Variants in B4GALNT3 observed in about 807,000 individuals in gnomAD.
B4GALNT3 encodes the protein beta-1,4-N-acetyl-galactosaminyltransferase 3.
A neutral mutation model predicts 120.2 loss-of-function variants in B4GALNT3; 86 were observed. That is an observed-to-expected ratio of 0.72 (90% CI 0.60 to 0.86). B4GALNT3 has a LOEUF of 0.86. B4GALNT3 is among the 40% of genes least tolerant of loss of function. The probability of loss-of-function intolerance (pLI) is 0.00; values close to 1 mark genes in which losing one functional copy is unlikely to be tolerated. For missense variants in B4GALNT3, 1,167 were observed against 1,298.9 expected (o/e 0.90, Z 1.56); for synonymous variants, 518 against 510.4 (o/e 1.01, Z -0.20).
intron 1 of B4GALNT3, among the ~76,000 whole-genome samples, chr12:503,613 TCCTCCA>T (rs1946464514): frequency 6.6e-6 from 1 of 152,170 alleles, no homozygotes; most frequent in Non-Finnish European, 1.5e-5. Flanking sequence ...TCAGCTTTGC[TCCTCCA>T]CCCCCACCTG....
intron 1 of B4GALNT3, among the ~76,000 whole-genome samples, chr12:494,827 G>A (rs1946374162): frequency 6.6e-6 from 1 of 152,054 alleles, no homozygotes; most frequent in Non-Finnish European, 1.5e-5. Context: ...GCGGGGGGGA[G>A]TCTTTATTCT....
At chr12:541,841 A>ACCC (rs371768004) in intron 3 of B4GALNT3, among the ~76,000 whole-genome samples, 2 of 59,164 alleles carry the variant, frequency 3.4e-5, no homozygotes, top group African/African-American at 1.5e-4. Context: ...CCCCCCCCTC[A>ACCC]CCCCCCCCCA....
intron 2 of B4GALNT3, 46 bp from the exon 3 acceptor site, chr12:536,172 C>T: frequency 6.5e-7 from 1 of 1,542,544 alleles, no homozygotes; most frequent in Middle Eastern, 1.7e-4. Context: ...CCCGTAGCTT[C>T]TCATCCTAAT....
intron 14 of B4GALNT3, among the ~76,000 whole-genome samples, chr12:554,593 A>T (rs1463837090): frequency 6.6e-6 from 1 of 151,040 alleles, no homozygotes; most frequent in Non-Finnish European, 1.5e-5. Flanking sequence ...GATCGAGACC[A>T]TCCTGGCTAA....
At chr12:532,570 A>G (rs540780369) in intron 1 of B4GALNT3, among the ~76,000 whole-genome samples, 1 of 152,238 alleles carries the variant, frequency 6.6e-6, no homozygotes, top group South Asian at 2.1e-4. Context: ...TCAAGAATGG[A>G]GGGATTCTTG....
intron 1 of B4GALNT3, among the ~76,000 whole-genome samples, chr12:467,651 G>C (rs181710890): frequency 6.6e-6 from 1 of 152,128 alleles, no homozygotes; most frequent in African/African-American, 2.4e-5. Context: ...TTAACCCTGC[G>C]AAAGCACTTT....
intron 3 of B4GALNT3, among the ~76,000 whole-genome samples, chr12:537,777 G>A (rs143986394): frequency 6.6e-6 from 1 of 152,288 alleles, no homozygotes; most frequent in East Asian, 1.9e-4. Context: ...TTCTTGGCTG[G>A]GTGGTACGGG....
At chr12:484,821 G>A (rs545801187) in intron 1 of B4GALNT3, among the ~76,000 whole-genome samples, 141 of 150,994 alleles carry the variant, frequency 9.3e-4, no homozygotes, top group Middle Eastern at 3.4e-3. Context: ...AAAACCACTC[G>A]TTTTGGTTTG....
At chr12:507,457 C>T (rs1022666853) in intron 1 of B4GALNT3, among the ~76,000 whole-genome samples, 19 of 152,138 alleles carry the variant, frequency 1.2e-4, no homozygotes, top group African/African-American at 3.9e-4. Flanking sequence ...CAGACGCTTC[C>T]ACTGTCTTGG....
rs373846635 is a variant in B4GALNT3 at position 535,395 on chromosome 12, A to T, written c.273+126A>T. 54 of 736,308 alleles carry T rather than the reference A, an allele frequency of 7.3e-5. No homozygotes were observed. In the African/African-American group the frequency reaches 7.3e-4, roughly 10 times the overall value. 45.6% of individuals were successfully genotyped at this position (736,308 alleles called of 1,614,324 possible). A position where few individuals can be genotyped will look rare whatever the true frequency, so the allele number is the denominator to read the frequency against. On this transcript the variant is annotated intron_variant, in intron 2 of 19. Transcript: ENST00000266383. ...GAGAGGCAGAGGATAAACAGCCCCC[A>T]GAGTCCTAGTCTGGCCTCAGGACCT...
At chr12:482,048 C>G (rs1272387303) in intron 1 of B4GALNT3, among the ~76,000 whole-genome samples, 1 of 152,176 alleles carries the variant, frequency 6.6e-6, no homozygotes, top group Non-Finnish European at 1.5e-5. Context: ...GCCTCCCACT[C>G]AACCCCGAGC....
intron 1 of B4GALNT3, among the ~76,000 whole-genome samples, chr12:527,544 G>A (rs148480617): frequency 4.9e-4 from 75 of 152,352 alleles, no homozygotes; most frequent in Non-Finnish European, 9.3e-4. Context: ...TCAGGGTAGC[G>A]TCGGGGAAGA....
chr12:536,822 G>A (rs1946865726), intron 3 of B4GALNT3, among the ~76,000 whole-genome samples: 1 of 152,160 alleles, frequency 6.6e-6, no homozygotes, highest in Non-Finnish European at 1.5e-5. Context: ...TTTATAGGTG[G>A]AAAAACAAGG....
chr12:511,360 A>ACCTTCCG (rs1946553705), intron 1 of B4GALNT3, among the ~76,000 whole-genome samples: 2 of 83,520 alleles, frequency 2.4e-5, no homozygotes, highest in African/African-American at 1.0e-4. Context: ...TCCACCTTCC[A>ACCTTCCG]CCTTCAACCT....
At chr12:482,652 G>T (rs1946252927) in intron 1 of B4GALNT3, among the ~76,000 whole-genome samples, 1 of 152,140 alleles carries the variant, frequency 6.6e-6, no homozygotes, top group Non-Finnish European at 1.5e-5. Flanking sequence ...TGAGAGAGAT[G>T]GGGATGTGAT....
chr12:524,614 G>T (rs947257263), intron 1 of B4GALNT3, among the ~76,000 whole-genome samples: 1 of 149,856 alleles, frequency 6.7e-6, no homozygotes, highest in African/African-American at 2.5e-5. Flanking sequence ...AAAAGGGTCT[G>T]TGTGAGATAC....
rs78465414 is a variant in B4GALNT3, at chr12:552,864, C to A, written c.1271-330C>A. 6.3e-3 allele frequency: 3,129 copies of A among 494,446 alleles called. 75 individuals carry two copies. The highest frequency in any genetic ancestry group is 0.051 in the African/African-American group (2,655 of 51,788). The allele number at this position is 494,446 out of a possible 1,614,324, so 30.6% of individuals were successfully genotyped here. On this transcript the variant is annotated intron_variant, in intron 13 of 19. Coordinates refer to ENST00000266383, the MANE Select transcript of B4GALNT3 (RefSeq NM_173593.4). ...TTTAGAGAAGCACTGTCTTCTGGGGCCTTTCTTGGGGGATTAGGGCGTGGC... is the reference window on the plus strand; with the variant it reads ...TTTAGAGAAGCACTGTCTTCTGGGGACTTTCTTGGGGGATTAGGGCGTGGC...
intron 17 of B4GALNT3, 55 bp downstream of exon 17, chr12:558,143 G>C: frequency 6.3e-7 from 1 of 1,582,880 alleles, no homozygotes; most frequent in Non-Finnish European, 8.7e-7. Context: ...TTAAGAGGTA[G>C]AGAGACATTT....
chr12:483,294 A>T (rs903730742), intron 1 of B4GALNT3, among the ~76,000 whole-genome samples: 3 of 152,232 alleles, frequency 2.0e-5, no homozygotes, highest in African/African-American at 7.2e-5. Flanking sequence ...TAGAAAGAAA[A>T]GTGAGACAGC....
Sources: gnomAD v4.1 joint callset for allele counts (sites outside exome capture counted in the v4.1 genomes callset) on GRCh38, gnomAD v4.1.1 for gene constraint, MANE v1.5 for transcripts, NCBI Gene and HGNC (gene_info 2026-07-23, HGNC 2026-07-21) for gene names.